SOX6: variants seen among roughly 807,000 people sequenced by gnomAD.
SOX6 encodes SRY-box transcription factor 6, also known as transcription factor SOX-6.
Under a neutral mutation model 97.8 loss-of-function variants are expected in SOX6, and 11 were observed. The ratio of observed to expected loss-of-function variants is 0.11; its 90% CI spans 0.07 to 0.19. SOX6 has a LOEUF of 0.19. SOX6 is among the 10% of genes least tolerant of loss of function. SOX6 has a pLI of 1.00. For synonymous variants in SOX6, 360 were observed against 371.4 expected (o/e 0.97, Z 0.35); for missense variants, 810 against 1,039.5 (o/e 0.78, Z 3.04).
chr11:16,147,803 G>C (rs1175334937), intron 6 of SOX6, among the ~76,000 whole-genome samples: 1 of 152,100 alleles, frequency 6.6e-6, no homozygotes, highest in Non-Finnish European at 1.5e-5. Flanking sequence ...TGATGTTCCA[G>C]GTCAGATTTA....
intron 3 of SOX6, among the ~76,000 whole-genome samples, chr11:16,658,026 T>G (rs1056877831): frequency 2.0e-5 from 3 of 152,212 alleles, no homozygotes; most frequent in African/African-American, 7.2e-5. Flanking sequence ...CATATGAACA[T>G]CTCATAAAAA....
chr11:16,379,943 A>AAATGAT (rs1164502896), intron 1 of SOX6, among the ~76,000 whole-genome samples: 1 of 151,974 alleles, frequency 6.6e-6, no homozygotes, highest in African/African-American at 2.4e-5. Flanking sequence ...TAGAAACTGT[A>AAATGAT]AATGATATAC....
At chr11:16,479,188 C>A (rs912379439), upstream of SOX6, among the ~76,000 whole-genome samples, 1 of 152,154 alleles carries the variant, frequency 6.6e-6, no homozygotes, top group South Asian at 2.1e-4. Flanking sequence ...TTGATATATT[C>A]TTAATGTACT....
intron 3 of SOX6, among the ~76,000 whole-genome samples, chr11:16,268,984 A>G (rs1195438250): frequency 6.6e-6 from 1 of 150,666 alleles, no homozygotes; most frequent in Non-Finnish European, 1.5e-5. Flanking sequence ...ATTCTGAGTC[A>G]TAAGGCCTTT....
At chr11:16,621,591 C>T (rs796975018) in intron 3 of SOX6, among the ~76,000 whole-genome samples, 5 of 152,256 alleles carry the variant, frequency 3.3e-5, no homozygotes, top group African/African-American at 1.2e-4. Context: ...TATTCATTGG[C>T]TATGTACATG....
chr11:16,530,847 T>G (rs1861227142), intron 4 of SOX6, among the ~76,000 whole-genome samples: 1 of 151,472 alleles, frequency 6.6e-6, no homozygotes, highest in African/African-American at 2.4e-5. Context: ...TAGCCTGACT[T>G]AAGGTGCTTC....
chr11:16,271,243 T>G (rs1266655349), intron 3 of SOX6, among the ~76,000 whole-genome samples: 2 of 151,450 alleles, frequency 1.3e-5, no homozygotes, highest in African/African-American at 4.8e-5. Context: ...TTGTATAATC[T>G]ATTATTAATG....
At chr11:16,026,535 C>T (rs1333452942) in intron 12 of SOX6, among the ~76,000 whole-genome samples, 2 of 152,222 alleles carry the variant, frequency 1.3e-5, no homozygotes, top group African/African-American at 4.8e-5. Context: ...GTGGCACTAG[C>T]CCAGAATACA....
intron 3 of SOX6, among the ~76,000 whole-genome samples, chr11:16,675,927 T>C (rs1476623048): frequency 6.6e-6 from 1 of 152,228 alleles, no homozygotes; most frequent in African/African-American, 2.4e-5. Context: ...TTATCTTACA[T>C]GGAGTTTGTT....
chr11:15,978,914 G>A (rs1853578101), intron 15 of SOX6, among the ~76,000 whole-genome samples: 1 of 128,258 alleles, frequency 7.8e-6, no homozygotes. Context: ...ATATATATAA[G>A]CATTATATAT....
chr11:16,732,128 T>C (rs1014241279), intron 2 of SOX6, among the ~76,000 whole-genome samples: 3 of 152,202 alleles, frequency 2.0e-5, no homozygotes, highest in African/African-American at 4.8e-5. Flanking sequence ...TGCTTATGAA[T>C]AGGCAGAATC....
At chr11:16,227,718 C>A (rs1852726300) in intron 4 of SOX6, among the ~76,000 whole-genome samples, 1 of 152,142 alleles carries the variant, frequency 6.6e-6, no homozygotes, top group Non-Finnish European at 1.5e-5. Context: ...TTCCCTATTA[C>A]CTTAACCCCC....
intron 4 of SOX6, among the ~76,000 whole-genome samples, chr11:16,547,169 G>A (rs930644285): frequency 6.6e-6 from 1 of 152,122 alleles, no homozygotes. Flanking sequence ...TAGTGGGAAT[G>A]TAAATTAGTA....
intron 3 of SOX6, among the ~76,000 whole-genome samples, chr11:16,623,954 C>T (rs1217094712): frequency 1.3e-5 from 2 of 152,110 alleles, no homozygotes; most frequent in East Asian, 3.9e-4. Flanking sequence ...TCCATCATCC[C>T]AAAAAGATAT....
chr11:16,669,069 T>C (rs551687166), intron 3 of SOX6, among the ~76,000 whole-genome samples: 1 of 152,282 alleles, frequency 6.6e-6, no homozygotes, highest in South Asian at 2.1e-4. Flanking sequence ...GAATATTTCA[T>C]CTAATGGTTG....
At chr11:16,733,474 A>C (rs1848366666) in intron 2 of SOX6, among the ~76,000 whole-genome samples, 1 of 151,822 alleles carries the variant, frequency 6.6e-6, no homozygotes, top group African/African-American at 2.4e-5. Context: ...AACCATCACA[A>C]GAATAGAAAA....
At chr11:16,228,314 T>C (rs1393715543) in intron 4 of SOX6, among the ~76,000 whole-genome samples, 1 of 152,156 alleles carries the variant, frequency 6.6e-6, no homozygotes, top group Non-Finnish European at 1.5e-5. Flanking sequence ...AATAATAAAG[T>C]TATTTTGTAA....
At chr11:16,229,419 T>C (rs1299915967) in intron 4 of SOX6, among the ~76,000 whole-genome samples, 1 of 151,522 alleles carries the variant, frequency 6.6e-6, no homozygotes, top group Non-Finnish European at 1.5e-5. Context: ...AAAGGAGAGA[T>C]AATAAGGGTA....
intron 3 of SOX6, among the ~76,000 whole-genome samples, chr11:16,273,982 T>C (rs1340274019): frequency 6.6e-6 from 1 of 152,030 alleles, no homozygotes; most frequent in Non-Finnish European, 1.5e-5. Context: ...ACCTAAACAA[T>C]GCAAAAGTAA....
Sources: gnomAD v4.1 joint callset for allele counts (sites outside exome capture counted in the v4.1 genomes callset) on GRCh38, gnomAD v4.1.1 for gene constraint, MANE v1.5 for transcripts, NCBI Gene and HGNC (gene_info 2026-07-23, HGNC 2026-07-21) for gene names.